The following PTPRD variants were observed in gnomAD, a reference collection of about 807,000 sequenced individuals.
The protein encoded by PTPRD is receptor-type tyrosine-protein phosphatase delta.
Under a neutral mutation model 214.5 loss-of-function variants are expected in PTPRD, and 34 were observed. The ratio of observed to expected loss-of-function variants is 0.16; its 90% confidence interval spans 0.12 to 0.21. The LOEUF (loss-of-function observed/expected upper bound fraction) is 0.21, where lower values mean the gene tolerates loss of function less well. PTPRD is among the 10% of genes least tolerant of loss of function. The pLI, the probability that PTPRD is intolerant of heterozygous loss-of-function variation, is 1.00. For missense variants in PTPRD, 2,545 were observed against 2,398.7 expected (o/e 1.06, Z -1.27); for synonymous variants, 1,128 against 845.7 (o/e 1.33, Z -5.79).
chr9:9,833,708 C>T (rs2055790976), intron 5 of PTPRD, among the ~76,000 whole-genome samples: 1 of 151,212 alleles, frequency 6.6e-6, no homozygotes, highest in African/African-American at 2.4e-5. Context: ...AGACCTACCC[C>T]TAGGTGCACA....
At chr9:9,619,069 T>C (rs1046459432) in intron 7 of PTPRD, among the ~76,000 whole-genome samples, 4 of 152,076 alleles carry the variant, frequency 2.6e-5, no homozygotes, top group Non-Finnish European at 5.9e-5. Context: ...GCTTTAGCAA[T>C]GTAGAGATCA....
Position 8,317,680 on chromosome 9 carries a change from G to A in PTPRD, c.*194C>T. On this transcript the variant is annotated 3_prime_UTR_variant, in exon 46 of 46. Transcript: ENST00000381196. The stretch of plus-strand genomic sequence containing the variant: ...CAGGATTCTCTTCATTATTTTTCAG[G>A]TTAGATTATTAAACTGTGAATTCTT... 2.2e-6 allele frequency: 1 copy of A among 459,744 alleles called. No homozygotes were observed. The allele number at this position is 459,744 out of a possible 1,614,324, so 28.5% of individuals were successfully genotyped here.
At chr9:9,811,314 C>T (rs2047064977) in intron 5 of PTPRD, among the ~76,000 whole-genome samples, 1 of 152,146 alleles carries the variant, frequency 6.6e-6, no homozygotes, top group African/African-American at 2.4e-5. Context: ...GGTAGAAATG[C>T]AAGAGAACTA....
In PTPRD at chr9:8,708,200, T is replaced by C. The variant is rs73427541; in HGVS notation, c.64+25580A>G. On this transcript the variant is annotated intron_variant, in intron 12 of 45. Coordinates refer to ENST00000381196, the MANE Select transcript of PTPRD (RefSeq NM_002839.4). The stretch of plus-strand genomic sequence containing the variant: ...TACCATGTCTCAGCCAATGTGCAAA[T>C]AGAACATAGAAAAAGTTATTTAATA... Among the ~76,000 whole-genome samples the C allele has an allele frequency of 2.1e-3, 314 of 152,192 alleles. 2 individuals carry two copies. Among genetic ancestry groups the C allele is most frequent in the African/African-American group, 6.8e-3 (282 of 41,512 alleles).
intron 3 of PTPRD, among the ~76,000 whole-genome samples, chr9:10,172,260 C>T (rs1248046543): frequency 1.3e-5 from 2 of 152,114 alleles, no homozygotes; most frequent in African/African-American, 4.8e-5. Context: ...AAGTCAAAAT[C>T]TCTTGCAGCC....
intron 9 of PTPRD, among the ~76,000 whole-genome samples, chr9:9,256,918 A>T (rs1005545550): frequency 1.3e-5 from 2 of 151,958 alleles, no homozygotes; most frequent in Non-Finnish European, 2.9e-5. Context: ...CCAGGAATCA[A>T]GTTGTTTTTA....
intron 7 of PTPRD, among the ~76,000 whole-genome samples, chr9:9,653,915 A>G (rs1463148868): frequency 3.3e-5 from 5 of 152,156 alleles, no homozygotes; most frequent in African/African-American, 1.2e-4. Flanking sequence ...GCTTATTTAA[A>G]TGATGTTTCT....
intron 14 of PTPRD, among the ~76,000 whole-genome samples, chr9:8,578,365 C>G (rs1466009118): frequency 6.6e-6 from 1 of 151,942 alleles, no homozygotes; most frequent in Non-Finnish European, 1.5e-5. Flanking sequence ...CCCTCCAACC[C>G]CTATATATAG....
intron 6 of PTPRD, among the ~76,000 whole-genome samples, chr9:9,736,243 G>T (rs73641348): frequency 0.11 from 17,075 of 151,984 alleles, 1,507 homozygotes; most frequent in African/African-American, 0.25. Flanking sequence ...TCCAGCCTAT[G>T]GTTCTAACTT....
chr9:10,036,116 A>G (rs1442045805), intron 3 of PTPRD, among the ~76,000 whole-genome samples: 1 of 152,204 alleles, frequency 6.6e-6, no homozygotes, highest in Non-Finnish European at 1.5e-5. Context: ...TATCTTCCAA[A>G]TAAACGCAGT....
At chr9:8,667,918 C>T (rs1596458027) in intron 12 of PTPRD, among the ~76,000 whole-genome samples, 2 of 151,988 alleles carry the variant, frequency 1.3e-5, no homozygotes, top group East Asian at 1.9e-4. Flanking sequence ...TCTCTCTGAG[C>T]CTATTCTGGC....
intron 14 of PTPRD, among the ~76,000 whole-genome samples, chr9:8,591,685 T>G (rs1446636651): frequency 6.6e-6 from 1 of 152,168 alleles, no homozygotes; most frequent in African/African-American, 2.4e-5. Flanking sequence ...TTACCAAGTC[T>G]GAGAGTAATG....
intron 11 of PTPRD, among the ~76,000 whole-genome samples, chr9:8,772,014 C>A (rs2095246922): frequency 6.6e-6 from 1 of 151,976 alleles, no homozygotes; most frequent in Non-Finnish European, 1.5e-5. Flanking sequence ...ACCCCACCTA[C>A]CCTGATGTGA....
intron 4 of PTPRD, among the ~76,000 whole-genome samples, chr9:9,983,273 G>A (rs1445347650): frequency 1.3e-5 from 2 of 152,126 alleles, no homozygotes; most frequent in Non-Finnish European, 2.9e-5. Flanking sequence ...CTTGCTAAGG[G>A]GACTTAGAAT....
chr9:9,140,955 C>T (rs993133978), intron 10 of PTPRD, among the ~76,000 whole-genome samples: 1 of 152,068 alleles, frequency 6.6e-6, no homozygotes, highest in Non-Finnish European at 1.5e-5. Context: ...CTCAATTTCC[C>T]CTGTGGTTAG....
intron 9 of PTPRD, among the ~76,000 whole-genome samples, chr9:9,214,297 A>T (rs956970821): frequency 6.6e-6 from 1 of 152,214 alleles, no homozygotes; most frequent in African/African-American, 2.4e-5. Context: ...GCTGAAAAAG[A>T]GCTGAACACT....
chr9:9,962,797 C>A (rs1364489866), intron 4 of PTPRD, among the ~76,000 whole-genome samples: 1 of 152,006 alleles, frequency 6.6e-6, no homozygotes, highest in Admixed American at 6.6e-5. Flanking sequence ...GACTTAGAAT[C>A]TTAGCAGAAA....
chr9:9,056,599 A>C (rs977549313), intron 10 of PTPRD, among the ~76,000 whole-genome samples: 2 of 152,224 alleles, frequency 1.3e-5, no homozygotes, highest in African/African-American at 4.8e-5. Flanking sequence ...CTCATAAGAA[A>C]AGAGTGGTTT....
intron 3 of PTPRD, among the ~76,000 whole-genome samples, chr9:10,043,121 C>T (rs1403822876): frequency 6.6e-6 from 1 of 151,876 alleles, no homozygotes; most frequent in Non-Finnish European, 1.5e-5. Flanking sequence ...TATAATAAAG[C>T]TCTAAAGACA....
Sources: allele counts gnomAD v4.1 joint callset (sites outside exome capture counted in the v4.1 genomes callset), GRCh38; gene constraint gnomAD v4.1.1; transcripts MANE v1.5; gene names NCBI Gene and HGNC (gene_info 2026-07-23, HGNC 2026-07-21).